The following TBC1D32 variants were observed in gnomAD, a reference collection of about 807,000 sequenced individuals.
TBC1D32 encodes protein broad-minded.
TBC1D32 carries 151 observed loss-of-function variants against 170.3 expected under a neutral mutation model. The observed-to-expected ratio is 0.89, with a 90% CI of 0.78 to 1.01. The LOEUF (loss-of-function observed/expected upper bound fraction) is 1.01, where lower values mean the gene tolerates loss of function less well. Ranked by LOEUF, TBC1D32 falls within the 50% of genes least tolerant of loss-of-function variation. TBC1D32 has a pLI of 0.00. For missense variants in TBC1D32, 1,464 were observed against 1,457.1 expected, an observed-to-expected ratio of 1.00 and a Z score of -0.08; for synonymous variants, 498 against 488.0, an observed-to-expected ratio of 1.02 and a Z score of -0.27.
At chr6:121,288,727 A>T (rs149662380) in intron 12 of TBC1D32, among the ~76,000 whole-genome samples, 4,425 of 151,072 alleles carry the variant, frequency 0.029, 166 homozygotes, top group East Asian at 0.1. Flanking sequence ...CCAATATCCC[A>T]CATGAACATC....
chr6:121,137,513 TCCTTA>T (rs1419786334), intron 24 of TBC1D32, among the ~76,000 whole-genome samples: 1 of 150,764 alleles, frequency 6.6e-6, no homozygotes, highest in African/African-American at 2.4e-5. Flanking sequence ...TTATTCTCTG[TCCTTA>T]CCACCACTGA....
intron 31 of TBC1D32, among the ~76,000 whole-genome samples, chr6:121,087,475 T>G (rs1776371533): frequency 6.6e-6 from 1 of 152,224 alleles, no homozygotes; most frequent in Admixed American, 6.5e-5. Context: ...TTCTTGATAC[T>G]GAATATTGCA....
At chr6:121,195,119 T>C (rs1790560595) in intron 22 of TBC1D32, among the ~76,000 whole-genome samples, 1 of 152,146 alleles carries the variant, frequency 6.6e-6, no homozygotes, top group Non-Finnish European at 1.5e-5. Flanking sequence ...CACTTGGGTG[T>C]GTTACTCCAG....
In TBC1D32 at chr6:121,250,398, C is replaced by A. The variant is rs368966140; in HGVS notation, c.2018+4930G>T. Reference sequence around the variant, plus strand: ...AAAAGCTTATCCACCATGATCAAGTCGGCTTCATTCCTGGGAAGCAAGGAT... The same window carrying A: ...AAAAGCTTATCCACCATGATCAAGTAGGCTTCATTCCTGGGAAGCAAGGAT... On this transcript the variant is annotated intron_variant, in intron 17 of 31. Coordinates refer to ENST00000398212, the MANE Select transcript of TBC1D32 (RefSeq NM_152730.6). Among the ~76,000 whole-genome samples the A allele has an allele frequency of 2.6e-5, 4 of 151,948 alleles. 1 individual carries two copies. Among genetic ancestry groups the A allele is most frequent in the African/African-American group, 9.7e-5 (4 of 41,402 alleles).
rs1163685599 is a variant in TBC1D32, at chr6:121,198,998, CTGAA to C, written c.2570+6073_2570+6076del. Among the ~76,000 whole-genome samples, 5 of 151,400 alleles carry C rather than the reference CTGAA, an allele frequency of 3.3e-5. No individual in the cohort carries two copies. The East Asian group carries it at 9.7e-4, about 29-fold the overall frequency. On this transcript the variant is annotated intron_variant, in intron 22 of 31. Transcript: ENST00000398212. The stretch of plus-strand genomic sequence containing the variant: ...TTAGCAAAGACGCAATAAATATTTT[CTGAA>C]TGAATGAACAAAAATGAAAGGAATA...
At chr6:121,114,432 G>C (rs1001448988) in intron 27 of TBC1D32, among the ~76,000 whole-genome samples, 1 of 152,016 alleles carries the variant, frequency 6.6e-6, no homozygotes, top group Non-Finnish European at 1.5e-5. Context: ...AATAGCAATA[G>C]GGCATTATAA....
At chr6:121,170,284 T>C (rs55921161) in intron 22 of TBC1D32, 12,546 of 1,022,710 alleles carry the variant, frequency 0.012, 122 homozygotes, top group South Asian at 0.041. Context: ...TATTCTGTTA[T>C]TTAAATTGAT....
At chr6:121,140,573 C>A (rs1782664757) in intron 24 of TBC1D32, among the ~76,000 whole-genome samples, 1 of 151,898 alleles carries the variant, frequency 6.6e-6, no homozygotes. Flanking sequence ...GGCAGAAAAT[C>A]AATTTCCTAT....
At chr6:121,301,541 G>T (rs753782027) in intron 9 of TBC1D32, among the ~76,000 whole-genome samples, 29 of 152,042 alleles carry the variant, frequency 1.9e-4, no homozygotes, top group Non-Finnish European at 3.2e-4. Flanking sequence ...CTGTTTGGGG[G>T]TGGGGTGCTA....
intron 30 of TBC1D32, among the ~76,000 whole-genome samples, chr6:121,098,011 CAG>C (rs1490142511): frequency 6.6e-6 from 1 of 151,082 alleles, no homozygotes; most frequent in African/African-American, 2.4e-5. Context: ...CACATGGACA[CAG>C]GGGAGGGGAA....
intron 15 of TBC1D32, among the ~76,000 whole-genome samples, chr6:121,258,852 C>A (rs968768454): frequency 6.6e-6 from 1 of 151,958 alleles, no homozygotes; most frequent in Non-Finnish European, 1.5e-5. Flanking sequence ...TGAGATGATT[C>A]CAGTCTTCCA....
At chr6:121,184,523 C>T (rs191457511) in intron 22 of TBC1D32, among the ~76,000 whole-genome samples, 143 of 151,812 alleles carry the variant, frequency 9.4e-4, no homozygotes, top group African/African-American at 3.4e-3. Context: ...GGGTGTACTG[C>T]TCAGAACTAC....
chr6:121,270,301 T>C (rs1396366769), intron 15 of TBC1D32, among the ~76,000 whole-genome samples: 1 of 151,880 alleles, frequency 6.6e-6, no homozygotes, highest in Non-Finnish European at 1.5e-5. Context: ...AAAAAAACCC[T>C]TCAAAAAAAA....
chr6:121,096,321 T>C (rs1403203544), intron 30 of TBC1D32: 1 of 152,048 alleles, frequency 6.6e-6, no homozygotes, highest in Non-Finnish European at 1.5e-5. Flanking sequence ...CAAAATCTCC[T>C]TAAGCTGATA....
intron 15 of TBC1D32, among the ~76,000 whole-genome samples, chr6:121,264,908 A>G (rs1014415985): frequency 3.3e-5 from 5 of 152,172 alleles, no homozygotes; most frequent in African/African-American, 9.6e-5. Flanking sequence ...TTGATGGAAC[A>G]TATCTCAAAA....
intron 30 of TBC1D32, among the ~76,000 whole-genome samples, 155 bp downstream of exon 30, chr6:121,105,868 T>G (rs1346965781): frequency 6.6e-6 from 1 of 151,984 alleles, no homozygotes; most frequent in Non-Finnish European, 1.5e-5. Context: ...TAAAGCAAAC[T>G]TACATCATAA....
chr6:121,187,790 T>G (rs1583135449), intron 22 of TBC1D32, among the ~76,000 whole-genome samples: 2 of 144,612 alleles, frequency 1.4e-5, no homozygotes, highest in African/African-American at 2.6e-5. Context: ...CAGTACAAAG[T>G]GGAACAAAAG....
At chr6:121,215,943 C>T (rs1321747127) in intron 21 of TBC1D32, among the ~76,000 whole-genome samples, 1 of 152,218 alleles carries the variant, frequency 6.6e-6, no homozygotes, top group East Asian at 1.9e-4. Context: ...AGCATTGTAG[C>T]AATTGTCCCC....
intron 22 of TBC1D32, among the ~76,000 whole-genome samples, chr6:121,194,813 T>A (rs112608985): frequency 0.014 from 2,184 of 152,290 alleles, 14 homozygotes; most frequent in Middle Eastern, 0.034. Flanking sequence ...CCAAAAGATA[T>A]CACACTGGTC....
Sources: allele counts gnomAD v4.1 joint callset (sites outside exome capture counted in the v4.1 genomes callset), GRCh38; gene constraint gnomAD v4.1.1; transcripts MANE v1.5; gene names NCBI Gene and HGNC (gene_info 2026-07-23, HGNC 2026-07-21).